The following CA10 variants were observed in gnomAD, a reference collection of about 807,000 sequenced individuals.
CA10 encodes the protein carbonic anhydrase 10 (inactive), also known as carbonic anhydrase-related protein 10.
Under a neutral mutation model 44.2 loss-of-function variants are expected in CA10, and 14 were observed. That is an observed-to-expected ratio of 0.32 (90% CI 0.21 to 0.50). The LOEUF (loss-of-function observed/expected upper bound fraction) is 0.50, where lower values mean the gene tolerates loss of function less well. Ranked by LOEUF, CA10 falls within the 20% of genes least tolerant of loss-of-function variation. The pLI is 0.99. For synonymous variants in CA10, 159 were observed against 141.6 expected (o/e 1.12, Z -0.87); for missense variants, 350 against 409.7 (o/e 0.85, Z 1.26).
intron 2 of CA10, among the ~76,000 whole-genome samples, chr17:52,060,462 ACAAATGTATTG>A (rs1987352635): frequency 6.6e-6 from 1 of 152,184 alleles, no homozygotes; most frequent in South Asian, 2.1e-4. Flanking sequence ...CTTAGTTTTG[ACAAATGTATTG>A]CTAATGTAAG....
chr17:51,948,872 T>C (rs530805523), intron 2 of CA10, among the ~76,000 whole-genome samples: 1 of 152,146 alleles, frequency 6.6e-6, no homozygotes, highest in African/African-American at 2.4e-5. Flanking sequence ...TGAAGGTATA[T>C]TTACATGCTA....
intron 1 of CA10, among the ~76,000 whole-genome samples, chr17:52,136,681 C>G (rs1989366180): frequency 6.6e-6 from 1 of 152,134 alleles, no homozygotes; most frequent in African/African-American, 2.4e-5. Flanking sequence ...AGAGTTCCCT[C>G]TGCCCCCCTT....
intron 2 of CA10, among the ~76,000 whole-genome samples, chr17:52,070,731 C>T (rs1987658765): frequency 1.3e-5 from 2 of 152,152 alleles, no homozygotes; most frequent in African/African-American, 4.8e-5. Context: ...TTAGAAGCAA[C>T]AACCAACTCA....
intron 2 of CA10, among the ~76,000 whole-genome samples, chr17:51,955,821 C>T (rs1983643754): frequency 6.6e-6 from 1 of 150,670 alleles, no homozygotes; most frequent in Non-Finnish European, 1.5e-5. Context: ...ACACCGGGGC[C>T]TATCAGGGGG....
At chr17:51,662,302 T>C (rs1317634704) in intron 4 of CA10, among the ~76,000 whole-genome samples, 1 of 152,200 alleles carries the variant, frequency 6.6e-6, no homozygotes, top group Non-Finnish European at 1.5e-5. Context: ...AGTCCAGAGA[T>C]GAATGCTGTA....
intron 4 of CA10, among the ~76,000 whole-genome samples, chr17:51,716,185 C>T (rs557280671): frequency 6.6e-6 from 1 of 152,226 alleles, no homozygotes; most frequent in South Asian, 2.1e-4. Context: ...TTTTGCTCCC[C>T]ACCTGGGGAC....
chr17:52,082,465 T>C (rs1988009111), intron 1 of CA10, among the ~76,000 whole-genome samples: 1 of 152,234 alleles, frequency 6.6e-6, no homozygotes, highest in African/African-American at 2.4e-5. Flanking sequence ...GTTATTTTAG[T>C]AGCTATGCCA....
At chr17:52,068,852 A>G (rs1252420454) in intron 2 of CA10, among the ~76,000 whole-genome samples, 1 of 152,208 alleles carries the variant, frequency 6.6e-6, no homozygotes, top group African/African-American at 2.4e-5. Context: ...GCATGACTAT[A>G]TTAATGTATT....
chr17:51,821,402 T>C (rs977536410), intron 3 of CA10, among the ~76,000 whole-genome samples: 1 of 151,882 alleles, frequency 6.6e-6, no homozygotes. Flanking sequence ...TTCTCTTATA[T>C]CTTGCAGTCC....
chr17:51,736,114 A>G (rs1006044368), intron 4 of CA10, among the ~76,000 whole-genome samples: 1 of 152,212 alleles, frequency 6.6e-6, no homozygotes, highest in African/African-American at 2.4e-5. Context: ...ACCCTGTAGA[A>G]TGGACATCAC....
At chr17:51,976,975 C>G (rs1444481975) in intron 2 of CA10, among the ~76,000 whole-genome samples, 1 of 151,854 alleles carries the variant, frequency 6.6e-6, no homozygotes, top group Non-Finnish European at 1.5e-5. Context: ...CGGGCAGATT[C>G]CATGAAACAA....
chr17:51,832,126 C>A (rs1471858737), intron 3 of CA10, among the ~76,000 whole-genome samples: 3 of 152,182 alleles, frequency 2.0e-5, no homozygotes, highest in Non-Finnish European at 4.4e-5. Context: ...CTCTTCCACA[C>A]CCCCAGTGCC....
chr17:52,102,538 A>G (rs951652696), intron 1 of CA10, among the ~76,000 whole-genome samples: 3 of 152,214 alleles, frequency 2.0e-5, no homozygotes, highest in Non-Finnish European at 4.4e-5. Flanking sequence ...TGAACCAATC[A>G]AAAGCTGCCA....
chr17:51,813,711 C>G (rs528197853), intron 3 of CA10, among the ~76,000 whole-genome samples: 1 of 152,270 alleles, frequency 6.6e-6, no homozygotes, highest in African/African-American at 2.4e-5. Flanking sequence ...TGAAAGCTTT[C>G]CCCTCCGAAT....
At chr17:52,015,811 G>A (rs1985950511) in intron 2 of CA10, among the ~76,000 whole-genome samples, 1 of 152,130 alleles carries the variant, frequency 6.6e-6, no homozygotes, top group East Asian at 1.9e-4. Context: ...AAGAATTTCT[G>A]TGGACAAGTC....
At chr17:51,702,369 C>A (rs1446215271) in intron 4 of CA10, among the ~76,000 whole-genome samples, 1 of 152,074 alleles carries the variant, frequency 6.6e-6, no homozygotes, top group Non-Finnish European at 1.5e-5. Context: ...TTGCCTTGAA[C>A]TACTGGGCCT....
chr17:51,880,077 C>T (rs916650075), intron 3 of CA10, among the ~76,000 whole-genome samples: 5 of 152,114 alleles, frequency 3.3e-5, no homozygotes, highest in African/African-American at 7.2e-5. Flanking sequence ...GGCTCTCATA[C>T]TCCAGGCCAC....
intron 3 of CA10, among the ~76,000 whole-genome samples, chr17:51,830,774 T>C (rs937784062): frequency 6.6e-6 from 1 of 152,174 alleles, no homozygotes; most frequent in Non-Finnish European, 1.5e-5. Context: ...TGTGTTTGTG[T>C]CATCTAGTAG....
chr17:51,679,732 C>T (rs28642792), intron 4 of CA10, among the ~76,000 whole-genome samples: 15 of 151,996 alleles, frequency 9.9e-5, no homozygotes, highest in African/African-American at 2.9e-4. Flanking sequence ...AGCCTGTGTT[C>T]CTGGTCTGAG....
Sources: allele counts gnomAD v4.1 joint callset (sites outside exome capture counted in the v4.1 genomes callset), GRCh38; gene constraint gnomAD v4.1.1; transcripts MANE v1.5; gene names NCBI Gene and HGNC (gene_info 2026-07-23, HGNC 2026-07-21).